Variants in MYT1 observed in about 807,000 individuals in gnomAD.
MYT1 encodes the protein myelin transcription factor 1, also known as myelin transcription factor I.
A neutral mutation model predicts 123.0 loss-of-function variants in MYT1; 23 were observed. The ratio of observed to expected loss-of-function variants is 0.19; its 90% CI spans 0.13 to 0.26. The LOEUF (loss-of-function observed/expected upper bound fraction) is 0.26, where lower values mean the gene tolerates loss of function less well. MYT1 is among the 10% of genes least tolerant of loss of function. The pLI is 1.00. For missense variants in MYT1, 1,125 were observed against 1,472.5 expected (o/e 0.76, Z 3.86); for synonymous variants, 518 against 575.3 (o/e 0.90, Z 1.43).
chr20:64,211,667 C>T (rs537228369), intron 8 of MYT1, among the ~76,000 whole-genome samples: 121 of 152,366 alleles, frequency 7.9e-4, no homozygotes, highest in African/African-American at 2.8e-3. Context: ...CTTGCAGCAA[C>T]CTCTGTGCCC....
rs765622265 is a variant in MYT1, at chr20:64,207,871, C to T, written c.675C>T (p.Val225=). The change falls in exon 7 of 23, where the codon GTC becomes GTT. Residue 225 remains valine, a synonymous_variant. Transcript: ENST00000328439. ...FIQPEDAEEV[V]EVTTERSQDL... ...AGCCAGAGGATGCCGAGGAGGTCGT[C>T]GAAGTCACCACCGAGCGCTCCCAGG... 25 of 1,612,922 alleles carry T rather than the reference C, an allele frequency of 1.5e-5. No individual in the cohort carries two copies. The highest frequency in any genetic ancestry group is 1.3e-4 in the African/African-American group (10 of 74,680).
chr20:64,171,410 G>A (rs745717461), intron 1 of MYT1, among the ~76,000 whole-genome samples: 3 of 152,218 alleles, frequency 2.0e-5, no homozygotes, highest in African/African-American at 4.8e-5. Context: ...CGGGGAATCC[G>A]TTCCAGGACT....
chr20:64,203,636 T>C lies in MYT1; in HGVS notation c.87-1399T>C, dbSNP rs1187852005. Among the ~76,000 whole-genome samples, 1 of 151,520 alleles carries C rather than the reference T, an allele frequency of 6.6e-6. No homozygotes were observed. The highest frequency in any genetic ancestry group is 2.4e-5 in the African/African-American group (1 of 41,248). On this transcript the variant is annotated intron_variant, in intron 4 of 22. Transcript: ENST00000328439. This position sits in a 1 kb window ranked among gnomAD's most constrained non-coding sequence, Gnocchi z 5.1. ...CCACCCTGGAAGGCTGCAGAGAACATCCCCCTCCCCCACCCCATGGCTGCT... is the reference window on the plus strand; with the variant it reads ...CCACCCTGGAAGGCTGCAGAGAACACCCCCCTCCCCCACCCCATGGCTGCT...
rs1429618142 is a variant in MYT1 at position 64,235,882 on chromosome 20, AT to A, written c.2898-672del. On this transcript the variant is annotated intron_variant, in intron 19 of 22. Transcript: ENST00000328439. ...CGTGGTGGGTGACGCTGGGATGGTC[AT>A]GGTGGGTGACCCTGGGATGGCCGCG... Among the ~76,000 whole-genome samples the A allele has an allele frequency of 2.0e-4, 10 of 48,876 alleles. No homozygotes were observed. The Admixed American group carries it at 2.4e-3, about 12-fold the overall frequency. 32.1% of individuals were successfully genotyped at this position (48,876 alleles called of 152,430 possible).
At position 64,212,171 on chromosome 20, in the gene MYT1, CAGGGTGGGGG is replaced by C; in HGVS notation, c.1517+34_1517+43del. 2 of 1,181,200 alleles carry C rather than the reference CAGGGTGGGGG, an allele frequency of 1.7e-6. No individual in the cohort carries two copies. The highest frequency in any genetic ancestry group is 2.2e-6 in the Non-Finnish European group (2 of 895,296). The allele number at this position is 1,181,200 out of a possible 1,614,324, so 73.2% of individuals were successfully genotyped here. A position where few individuals can be genotyped will look rare whatever the true frequency, so the allele number is the denominator to read the frequency against. On this transcript the variant is annotated intron_variant, in intron 9 of 22. Coordinates refer to ENST00000328439, the MANE Select transcript of MYT1 (RefSeq NM_004535.3). This position sits in a 1 kb window ranked among gnomAD's most constrained non-coding sequence, Gnocchi z 6.8. ...GACTGAGCTGGGCCGTAGTGGGGGC[CAGGGTGGGGG>C]CCGTGGTGGGGGCCAGGGTGGGGGC...
chr20:64,187,583 T>G (rs1383960077), intron 1 of MYT1, among the ~76,000 whole-genome samples: 1 of 152,256 alleles, frequency 6.6e-6, no homozygotes, highest in Non-Finnish European at 1.5e-5. Context: ...CTGCTAGAGA[T>G]GCTGATTGAG....
At chr20:64,239,722 C>T in intron 21 of MYT1, 38 bp from the exon 22 acceptor site, 1 of 1,612,060 alleles carries the variant, frequency 6.2e-7, no homozygotes, top group South Asian at 1.1e-5. Context: ...GGATGGGGGC[C>T]AAGGGCAGGC....
At chr20:64,181,968 G>A (rs1254224348) in intron 1 of MYT1, among the ~76,000 whole-genome samples, 1 of 152,186 alleles carries the variant, frequency 6.6e-6, no homozygotes, top group East Asian at 1.9e-4. Context: ...TGGGACTAGA[G>A]GGAGGAATCC....
At chr20:64,235,846 C>A (rs796955705) in intron 19 of MYT1, among the ~76,000 whole-genome samples, 3 of 92,032 alleles carry the variant, frequency 3.3e-5, no homozygotes, top group East Asian at 4.7e-4. Flanking sequence ...GGTGGGTGAC[C>A]CTGGGCTGGC....
chr20:64,195,398 A>G (rs868274230), intron 2 of MYT1, among the ~76,000 whole-genome samples: 11 of 6,348 alleles, frequency 1.7e-3, no homozygotes, highest in Admixed American at 4.6e-3. Context: ...GTGTGTGTGT[A>G]TACTTTTTTT....
Position 64,242,138 on chromosome 20 carries a change from C to A in MYT1, c.*1690C>A, listed in dbSNP as rs1984733420. The A allele has an allele frequency of 6.6e-6, 1 of 152,596 alleles. No homozygotes were observed. Among genetic ancestry groups the A allele is most frequent in the Non-Finnish European group, 1.5e-5 (1 of 68,048 alleles). The allele number at this position is 152,596 out of a possible 1,614,324, so 9.5% of individuals were successfully genotyped here. A position where few individuals can be genotyped will look rare whatever the true frequency, so the allele number is the denominator to read the frequency against. Reference sequence around the variant, plus strand: ...CAGGCTCACAGGCTGTGCCACCCGTCCCTCCGACAGCTCCAATACTGTGAC... The same window carrying A: ...CAGGCTCACAGGCTGTGCCACCCGTACCTCCGACAGCTCCAATACTGTGAC... On this transcript the variant is annotated 3_prime_UTR_variant, in exon 23 of 23. Coordinates refer to ENST00000328439, the MANE Select transcript of MYT1 (RefSeq NM_004535.3).
Position 64,208,182 on chromosome 20 carries a change from G to A in MYT1, c.986G>A (p.Arg329Gln), listed in dbSNP as rs201924813. 51 of 1,613,828 alleles carry A rather than the reference G, an allele frequency of 3.2e-5. 1 individual carries two copies. Among genetic ancestry groups the A allele is most frequent in the Middle Eastern group, 3.3e-4 (2 of 6,062 alleles). Residue 329 changes from arginine to glutamine, a missense_variant, in exon 7 of 23, where the codon CGG (arginine) becomes CAG (glutamine). Arg to Gln is a conservative substitution (Grantham distance 43, BLOSUM62 1). This residue lies in a region of MYT1 where 406 missense variants were observed against 432.2 expected (regional missense o/e 0.94). Transcript: ENST00000328439. This position sits in a 1 kb window ranked among gnomAD's most constrained non-coding sequence, Gnocchi z 5.4. ...HTSAQKAPEL[R>Q]GPESPSPKPE... ...TCTGCCCAGAAGGCCCCTGAGCTCC[G>A]GGGCCCAGAATCACCCAGTCCCAAG...
At position 64,227,982 on chromosome 20, in the gene MYT1, C is replaced by T; in HGVS notation, c.2675+11C>T. ...CCCCGAGCTGATGAAGTACGTTGGG[C>T]CATGCTGGCTCTTTCATTGCATTGC... On this transcript the variant is annotated intron_variant, in intron 18 of 22. Coordinates refer to ENST00000328439, the MANE Select transcript of MYT1 (RefSeq NM_004535.3). The T allele has an allele frequency of 6.2e-7, 1 of 1,613,012 alleles. No individual in the cohort carries two copies. Among genetic ancestry groups the T allele is most frequent in the South Asian group, 1.1e-5 (1 of 91,022 alleles).
Position 64,196,040 on chromosome 20 carries a change from G to A in MYT1, c.1-2822G>A, listed in dbSNP as rs1049506977. ...GCAGACGTTCTTGAGAAAGGTTGCC[G>A]GCCCAGCAGTAAGAGTGGGTGATGG... is the stretch of plus-strand genomic sequence containing the variant. On this transcript the variant is annotated intron_variant, in intron 2 of 22. Coordinates refer to ENST00000328439, the MANE Select transcript of MYT1 (RefSeq NM_004535.3). The surrounding 1 kb of genome is among the most constrained non-coding windows in gnomAD (Gnocchi z 4.3). 3.3e-5 allele frequency among the ~76,000 whole-genome samples: 5 copies of A among 152,308 alleles called. No individual in the cohort carries two copies. The highest frequency in any genetic ancestry group is 3.9e-4 in the East Asian group (2 of 5,192).
rs937974094 is a variant in MYT1 at position 64,242,052 on chromosome 20, C to G, written c.*1604C>G. 7.9e-5 allele frequency: 12 copies of G among 152,522 alleles called. No homozygotes were observed. The highest frequency in any genetic ancestry group is 2.7e-4 in the African/African-American group (11 of 41,454). The allele number at this position is 152,522 out of a possible 1,614,324, so 9.4% of individuals were successfully genotyped here. On this transcript the variant is annotated 3_prime_UTR_variant, in exon 23 of 23. Transcript: ENST00000328439. ...CTCGTGTCGCGTTTGCGTGTCGGCTCTTGCGGTGGAGTCCTGTTGCTGTGA... is the reference window on the plus strand; with the variant it reads ...CTCGTGTCGCGTTTGCGTGTCGGCTGTTGCGGTGGAGTCCTGTTGCTGTGA...
chr20:64,225,139 C>A (rs1984130881), intron 16 of MYT1, among the ~76,000 whole-genome samples: 3 of 152,194 alleles, frequency 2.0e-5, no homozygotes, highest in Admixed American at 2.0e-4. Flanking sequence ...CATGGGAGGC[C>A]ACTTCCTTTC....
At chr20:64,224,820 G>T (rs892949199) in intron 16 of MYT1, among the ~76,000 whole-genome samples, 1 of 152,158 alleles carries the variant, frequency 6.6e-6, no homozygotes, top group African/African-American at 2.4e-5. Flanking sequence ...TTTAAGAGGA[G>T]AAATGTGGCT....
rs1024272105 is a variant in MYT1, at chr20:64,194,096, C to T, written c.-1+3936C>T. Among the ~76,000 whole-genome samples, 10 of 152,280 alleles carry T rather than the reference C, an allele frequency of 6.6e-5. 1 individual carries two copies. Among genetic ancestry groups the T allele is most frequent in the East Asian group, 5.8e-4 (3 of 5,184 alleles). On this transcript the variant is annotated intron_variant, in intron 2 of 22. Transcript: ENST00000328439. ...GACTGTCCCCATTTATTCATTCATC[C>T]ACCTGTCCATCCACCCATCCTTAAA...
At position 64,212,085 on chromosome 20, in the gene MYT1, T is replaced by A; in HGVS notation, c.1464T>A (p.Thr488=). ...ATGAGAACGTGCTGAAGTGCCCCAC[T>A]CCTGGCTGCACAGGCCAGGGTCACG... is the stretch of plus-strand genomic sequence containing the variant. ...AMHENVLKCP[T]PGCTGQGHVN... The change falls in exon 9 of 23, where the codon ACT becomes ACA. Residue 488 remains threonine, a synonymous_variant. Transcript: ENST00000328439. This position sits in a 1 kb window ranked among gnomAD's most constrained non-coding sequence, Gnocchi z 6.8. 1 of 1,613,740 alleles carries A rather than the reference T, an allele frequency of 6.2e-7. No homozygotes were observed. The highest frequency in any genetic ancestry group is 8.5e-7 in the Non-Finnish European group (1 of 1,179,862).
Sources: gnomAD v4.1 joint callset for allele counts (sites outside exome capture counted in the v4.1 genomes callset) on GRCh38, gnomAD v4.1.1 for gene constraint, gnomAD v4.1.1 regional missense constraint, Gnocchi (gnomAD v3.1) non-coding constraint, MANE v1.5 for transcripts, NCBI Gene and HGNC (gene_info 2026-07-23, HGNC 2026-07-21) for gene names.